Variants in PEX1 observed in about 807,000 individuals in gnomAD.
The protein encoded by PEX1 is peroxisomal ATPase PEX1.
In PEX1, 97 loss-of-function variants were observed where a neutral mutation model predicts 152.5. That is an observed-to-expected ratio of 0.64 (90% CI 0.54 to 0.75). The LOEUF (loss-of-function observed/expected upper bound fraction) is 0.75. PEX1 is among the 30% of genes least tolerant of loss of function. PEX1 has a pLI of 0.00. For missense variants in PEX1, 1,357 were observed against 1,516.3 expected, an observed-to-expected ratio of 0.89 and a Z score of 1.74; for synonymous variants, 485 against 531.6, an observed-to-expected ratio of 0.91 and a Z score of 1.21.
rs371701421 is a variant in PEX1, at chr7:92,501,581, G to A, written c.2509C>T (p.Leu837=). ...AACCCACCAATCTTGTCCCAACCCAGGTCTCTAGGTTTATGCAGGTTGACA... is the reference window on the plus strand; with the variant it reads ...AACCCACCAATCTTGTCCCAACCCAAGTCTCTAGGTTTATGCAGGTTGACA... ...RSVNLHKPRD[L]GWDKIGGLHE... Residue 837 remains leucine, a synonymous_variant, in exon 15 of 24, where the codon CTG becomes TTG. Coordinates refer to ENST00000248633, the MANE Select transcript of PEX1 (RefSeq NM_000466.3). The A allele has an allele frequency of 1.5e-5, 24 of 1,613,836 alleles. No individual in the cohort carries two copies. The African/African-American group carries it at 2.7e-4, about 18-fold the overall frequency.
At chr7:92,492,060 T>C (rs1791361320) in intron 20 of PEX1, among the ~76,000 whole-genome samples, 1 of 152,322 alleles carries the variant, frequency 6.6e-6, no homozygotes, top group South Asian at 2.1e-4. Flanking sequence ...AGTTCAAATA[T>C]CTACTGTAAA....
At position 92,501,524 on chromosome 7, in the gene PEX1, T is replaced by C. The variant is rs1791924972; in HGVS notation, c.2566A>G (p.Ile856Val). 6.2e-7 allele frequency: 1 copy of C among 1,613,514 alleles called. No homozygotes were observed. Among genetic ancestry groups the C allele is most frequent in the Admixed American group, 1.7e-5 (1 of 59,996 alleles). ...HEVRQILMDT[I>V]QLPAKYPELF... is the part of the protein sequence containing the mutation. The stretch of plus-strand genomic sequence containing the variant: ...AAACATACCTTGGCAGGTAACTGGA[T>C]AGTATCCATGAGTATCTGCCTAACT... The change falls in exon 15 of 24, where the codon ATC (isoleucine) becomes GTC (valine). Residue 856 changes from isoleucine (I) to valine (V), a missense_variant. Transcript: ENST00000248633.
intron 5 of PEX1, among the ~76,000 whole-genome samples, chr7:92,516,855 A>T (rs1792809273): frequency 1.3e-5 from 2 of 152,150 alleles, no homozygotes; most frequent in Non-Finnish European, 2.9e-5. Flanking sequence ...ATCTCTCCCT[A>T]CACTGGCCCT....
At chr7:92,510,044 T>TGAGGCA (rs1481351555) in intron 8 of PEX1, among the ~76,000 whole-genome samples, 1 of 151,562 alleles carries the variant, frequency 6.6e-6, no homozygotes, top group Non-Finnish European at 1.5e-5. Context: ...CTAGGGAAGC[T>TGAGGCA]GAGGCAGGAG....
In PEX1 at chr7:92,487,277, T is replaced by C. The variant is rs996832628; in HGVS notation, c.*180A>G. ...TCTGTTATAATGTCCCAATTTATAC[T>C]ACAGTATTAATCTCAATCCTGATCA... On this transcript the variant is annotated 3_prime_UTR_variant, in exon 24 of 24. Coordinates refer to ENST00000248633, the MANE Select transcript of PEX1 (RefSeq NM_000466.3). 1.8e-5 allele frequency: 8 copies of C among 437,352 alleles called. No homozygotes were observed. The East Asian group carries it at 2.4e-4, about 13-fold the overall frequency. The allele number at this position is 437,352 out of a possible 1,614,324, so 27.1% of individuals were successfully genotyped here. A position where few individuals can be genotyped will look rare whatever the true frequency, so the allele number is the denominator to read the frequency against.
chr7:92,492,898 T>C (rs1791417683), intron 20 of PEX1, 55 bp downstream of exon 20: 1 of 1,345,482 alleles, frequency 7.4e-7, no homozygotes, highest in Non-Finnish European at 1.1e-6. Context: ...AATTTTGACA[T>C]TGTACTTCTT....
chr7:92,487,436 C>A lies in PEX1; in HGVS notation c.*21G>T. On this transcript the variant is annotated 3_prime_UTR_variant, in exon 24 of 24. Coordinates refer to ENST00000248633, the MANE Select transcript of PEX1 (RefSeq NM_000466.3). ...AAGCCATCAAAAAACTTAACAGAAC[C>A]AAATCAAAAAGAAGTATATTTTATG... 2 of 1,361,312 alleles carry A rather than the reference C, an allele frequency of 1.5e-6. No individual in the cohort carries two copies. The highest frequency in any genetic ancestry group is 2.9e-5 in the African/African-American group (2 of 69,944). The allele number at this position is 1,361,312 out of a possible 1,614,324, so 84.3% of individuals were successfully genotyped here.
rs2116156123 is a variant in PEX1, at chr7:92,503,173, C to T, written c.2094G>A (p.Glu698=). The change falls in exon 13 of 24, where the codon GAG becomes GAA. Residue 698 remains glutamate (E), a synonymous_variant. Transcript: ENST00000248633. Reference sequence around the variant, plus strand: ...CAACCAAACTTCCCATGGAGATAAACTCTTTTATCATATCATTCAAAGCTG... The same window carrying T: ...CAACCAAACTTCCCATGGAGATAAATTCTTTTATCATATCATTCAAAGCTG... ...LAHALNDMIK[E]FISMGSLVAL... 6.2e-7 allele frequency: 1 copy of T among 1,613,632 alleles called. No homozygotes were observed. Among genetic ancestry groups the T allele is most frequent in the Non-Finnish European group, 8.5e-7 (1 of 1,179,684 alleles).
chr7:92,520,983 CTTCTT>C (rs113672173), intron 2 of PEX1, among the ~76,000 whole-genome samples: 17,798 of 152,122 alleles, frequency 0.12, 1,063 homozygotes, highest in Non-Finnish European at 0.13. Context: ...ACTACATCTT[CTTCTT>C]TTAAGAGATA....
Position 92,516,824 on chromosome 7 carries a change from G to C in PEX1, c.1239+452C>G, listed in dbSNP as rs564756863. Reference sequence around the variant, plus strand: ...ATCCAGGTGCCACCACATGCAGCAGGAAGGTTACCTCATGCCATGGATCTC... The same window carrying C: ...ATCCAGGTGCCACCACATGCAGCAGCAAGGTTACCTCATGCCATGGATCTC... On this transcript the variant is annotated intron_variant, in intron 5 of 23. Transcript: ENST00000248633. Among the ~76,000 whole-genome samples, 10 of 152,138 alleles carry C rather than the reference G, an allele frequency of 6.6e-5. No individual in the cohort carries two copies. The South Asian group carries it at 2.1e-3, about 32-fold the overall frequency.
Position 92,510,982 on chromosome 7 carries a change from G to T in PEX1, c.1549C>A (p.Leu517Met). 1 of 1,578,236 alleles carries T rather than the reference G, an allele frequency of 6.3e-7. No individual in the cohort carries two copies. The highest frequency in any genetic ancestry group is 8.7e-7 in the Non-Finnish European group (1 of 1,148,238). ...TTCTGCAGCAAATTGGGACTCAACAGAAAAATATTTTTATCTTTTTCTTTT... is the reference window on the plus strand; with the variant it reads ...TTCTGCAGCAAATTGGGACTCAACATAAAAATATTTTTATCTTTTTCTTTT... ...WEKEKDKNIF[L>M]LSPNLLQKTT... The change falls in exon 8 of 24, where the codon CTG (leucine) becomes ATG (methionine). Residue 517 changes from leucine (L) to methionine (M), a missense_variant. Transcript: ENST00000248633.
intron 23 of PEX1, among the ~76,000 whole-genome samples, chr7:92,488,002 A>G (rs1290072647): frequency 6.6e-6 from 1 of 152,202 alleles, no homozygotes; most frequent in African/African-American, 2.4e-5. Flanking sequence ...TAGTGAAACA[A>G]TTAGATATGT....
At chr7:92,524,869 A>G (rs1265956920) in intron 1 of PEX1, among the ~76,000 whole-genome samples, 1 of 152,192 alleles carries the variant, frequency 6.6e-6, no homozygotes, top group Non-Finnish European at 1.5e-5. Context: ...GATGCTTTCT[A>G]TGGGTTTTCA....
At chr7:92,503,254 T>C (rs1737813083) in intron 12 of PEX1, 59 bp from the exon 13 acceptor site, 18 of 1,424,010 alleles carry the variant, frequency 1.3e-5, no homozygotes, top group Non-Finnish European at 1.7e-5. Flanking sequence ...ATTTAAAAAT[T>C]ATACATTCAT....
intron 6 of PEX1, among the ~76,000 whole-genome samples, chr7:92,513,334 A>G (rs1792568192): frequency 6.6e-6 from 1 of 152,202 alleles, no homozygotes; most frequent in Admixed American, 6.5e-5. Flanking sequence ...GAATGGATAA[A>G]CAAATGTGGT....
rs1331598815 is a variant in PEX1 at position 92,487,243 on chromosome 7, A to C, written c.*214T>G. The stretch of plus-strand genomic sequence containing the variant: ...ACTGAATTTAGATTTTAGGAAATAA[A>C]ATATGGAATCTGTTATAATGTCCCA... On this transcript the variant is annotated 3_prime_UTR_variant, in exon 24 of 24. Transcript: ENST00000248633. 9.2e-6 allele frequency: 3 copies of C among 325,484 alleles called. No homozygotes were observed. Among genetic ancestry groups the C allele is most frequent in the Non-Finnish European group, 1.7e-5 (3 of 180,834 alleles). The allele number at this position is 325,484 out of a possible 1,614,324, so 20.2% of individuals were successfully genotyped here.
intron 16 of PEX1, among the ~76,000 whole-genome samples, chr7:92,498,231 C>T (rs1291108058): frequency 3.3e-5 from 5 of 152,004 alleles, no homozygotes; most frequent in African/African-American, 7.3e-5. Context: ...GAGCTGGGCA[C>T]GGTAGCTCAC....
rs769954130 is a variant in PEX1, at chr7:92,522,103, T to C, written c.272A>G (p.Gln91Arg). ...GQKLGLSNGGQVFLKPCSHVV... is the reference protein window; with the variant it reads ...GQKLGLSNGGRVFLKPCSHVV... ...GTTATTGCCATCACATGTGCTTACC[T>C]GTCCCCCATTTGAGAGTCCAAGTTT... Residue 91 changes from glutamine to arginine, a missense_variant and splice_region_variant, in exon 2 of 24, where the codon CAG becomes CGG. Physicochemically the swap from Gln to Arg is conservative, Grantham distance 43 (BLOSUM62 1). Coordinates refer to ENST00000248633, the MANE Select transcript of PEX1 (RefSeq NM_000466.3). 9 of 1,613,970 alleles carry C rather than the reference T, an allele frequency of 5.6e-6. No individual in the cohort carries two copies. Among genetic ancestry groups the C allele is most frequent in the Admixed American group, 1.7e-5 (1 of 60,024 alleles).
intron 8 of PEX1, among the ~76,000 whole-genome samples, chr7:92,510,028 TA>T (rs1257651057): frequency 6.6e-6 from 1 of 151,636 alleles, no homozygotes; most frequent in Non-Finnish European, 1.5e-5. Context: ...CCTGTAATCC[TA>T]GCTACTAGGG....
Sources: gnomAD v4.1 joint callset for allele counts (sites outside exome capture counted in the v4.1 genomes callset) on GRCh38, gnomAD v4.1.1 for gene constraint, MANE v1.5 for transcripts, NCBI Gene and HGNC (gene_info 2026-07-23, HGNC 2026-07-21) for gene names.